Variants in NLRP2 observed in about 807,000 individuals in gnomAD.
The protein encoded by NLRP2 is NLR family pyrin domain containing 2.
In NLRP2, 107 loss-of-function variants were observed where a neutral mutation model predicts 97.2. The ratio of observed to expected loss-of-function variants is 1.10; its 90% CI spans 0.94 to 1.29. The LOEUF (loss-of-function observed/expected upper bound fraction) is 1.29, where lower values mean the gene tolerates loss of function less well. Among genes scored for constraint, NLRP2 ranks in the 50% most tolerant of loss-of-function variants. The pLI is 0.00. For synonymous variants in NLRP2, 663 were observed against 551.5 expected, an observed-to-expected ratio of 1.20 and a Z score of -2.83; for missense variants, 1,495 against 1,330.3, an observed-to-expected ratio of 1.12 and a Z score of -1.93.
At chr19:54,990,330 G>T (rs1181721405) in intron 9 of NLRP2, 138 bp downstream of exon 9, 1 of 1,147,380 alleles carries the variant, frequency 8.7e-7, no homozygotes, top group South Asian at 1.3e-5. Context: ...CAGGCCGATG[G>T]CCTGTGAATT....
At chr19:54,984,329 G>GTGTGGTTTTTTTTTTTTTTTTTT in intron 6 of NLRP2, among the ~76,000 whole-genome samples, 1 of 79,670 alleles carries the variant, frequency 1.3e-5, no homozygotes, top group Non-Finnish European at 2.5e-5. Context: ...TTTTTTTTGT[G>GTGTGGTTTTTTTTTTTTTTTTTT]TTTTTTTTTT....
At position 54,983,334 on chromosome 19, in the gene NLRP2, A is replaced by C. The variant is rs1306324883; in HGVS notation, c.1636A>C (p.Arg546=). Residue 546 remains arginine (R), a synonymous_variant, in exon 6 of 13, where the codon AGG becomes CGG. Coordinates refer to ENST00000448584, the MANE Select transcript of NLRP2 (RefSeq NM_017852.5). ...GCTGCTTTCCGGAGTAGAAAGACTC[A>C]GGAACCCCGACCTGATCCAAGCAGG... The part of the protein sequence containing the change: ...QKLLSGVERL[R]NPDLIQAGYY... 1.2e-6 allele frequency: 2 copies of C among 1,614,224 alleles called. No homozygotes were observed. Among genetic ancestry groups the C allele is most frequent in the Non-Finnish European group, 1.7e-6 (2 of 1,180,040 alleles).
intron 8 of NLRP2, among the ~76,000 whole-genome samples, chr19:54,987,528 G>T (rs1208671904): frequency 1.3e-5 from 2 of 152,178 alleles, no homozygotes; most frequent in African/African-American, 4.8e-5. Context: ...GATCACTTGA[G>T]GTCAGGAGTT....
In NLRP2 at chr19:54,994,414, C is replaced by G; in HGVS notation, c.2854C>G (p.Pro952Ala). 6.2e-7 allele frequency: 1 copy of G among 1,613,122 alleles called. No homozygotes were observed. Among genetic ancestry groups the G allele is most frequent in the Non-Finnish European group, 8.5e-7 (1 of 1,180,016 alleles). ...GTTCCTGTGTGAGGCTTTGAGGAAA[C>G]CACTGTGCAACTTGAGATGTCTGTG... ...MKFLCEALRK[P>A]LCNLRCLWLW... Residue 952 changes from proline (P) to alanine (A), a missense_variant, in exon 11 of 13, where the codon CCA (proline) becomes GCA (alanine). Pro to Ala is a conservative substitution (Grantham distance 27). Transcript: ENST00000448584.
intron 12 of NLRP2, among the ~76,000 whole-genome samples, chr19:54,998,958 C>T (rs12982755): frequency 0.29 from 44,131 of 149,732 alleles, 6,878 homozygotes; most frequent in Middle Eastern, 0.43. Context: ...GGTAAGGTCA[C>T]AGATCAACAG....
At chr19:54,969,491 A>G (rs968335222) in intron 1 of NLRP2, among the ~76,000 whole-genome samples, 2 of 151,816 alleles carry the variant, frequency 1.3e-5, no homozygotes, top group South Asian at 4.2e-4. Context: ...AAAAAAAAAA[A>G]AAAAAATACA....
Position 54,973,892 on chromosome 19 carries a change from G to C in NLRP2, c.281-608G>C, listed in dbSNP as rs188360184. The C allele has an allele frequency of 6.8e-5, 46 of 679,722 alleles. No homozygotes were observed. The Middle Eastern group carries it at 1.3e-3, about 20-fold the overall frequency. 42.1% of individuals were successfully genotyped at this position (679,722 alleles called of 1,614,324 possible). A position where few individuals can be genotyped will look rare whatever the true frequency, so the allele number is the denominator to read the frequency against. On this transcript the variant is annotated intron_variant, in intron 2 of 12. Coordinates refer to ENST00000448584, the MANE Select transcript of NLRP2 (RefSeq NM_017852.5). ...GCACCACCCCCACAAAGTGACACAA[G>C]GCAAGGATTCTTGGTATGCCCAGGG...
rs1189013526 is a variant in NLRP2 at position 54,985,070 on chromosome 19, T to A, written c.2054T>A (p.Leu685His). Residue 685 changes from leucine (L) to histidine (H), a missense_variant, in exon 7 of 13, where the codon CTT (leucine) becomes CAT (histidine). Transcript: ENST00000448584. ...AGATCCCAGGATGATCAGCACATGCTTCCTTTCTGGACGGACCTTTGTTCC... is the reference window on the plus strand; with the variant it reads ...AGATCCCAGGATGATCAGCACATGCATCCTTTCTGGACGGACCTTTGTTCC... ...VERSQDDQHM[L>H]PFWTDLCSIF... The A allele has an allele frequency of 6.2e-7, 1 of 1,614,166 alleles. No individual in the cohort carries two copies. Among genetic ancestry groups the A allele is most frequent in the East Asian group, 2.2e-5 (1 of 44,884 alleles).
intron 9 of NLRP2, 109 bp from the exon 10 acceptor site, chr19:54,990,393 G>T: frequency 8.3e-7 from 1 of 1,201,162 alleles, no homozygotes; most frequent in Non-Finnish European, 1.2e-6. Flanking sequence ...CATGATAGAA[G>T]GTGGGGAGTT....
chr19:54,990,827 G>A lies in NLRP2; in HGVS notation c.2708+155G>A, dbSNP rs116351882. The A allele has an allele frequency of 4.2e-4, 317 of 746,166 alleles. No homozygotes were observed. In the African/African-American group the frequency reaches 4.7e-3, roughly 11 times the overall value. 46.2% of individuals were successfully genotyped at this position (746,166 alleles called of 1,614,324 possible). ...GGTAAGACCTGGGTAGATGATGGTA[G>A]GAAAAAAGTATAAGTAGTAGTAGAG... On this transcript the variant is annotated intron_variant, in intron 10 of 12. Coordinates refer to ENST00000448584, the MANE Select transcript of NLRP2 (RefSeq NM_017852.5).
At chr19:54,990,290 G>C in intron 9 of NLRP2, 98 bp downstream of exon 9, 1 of 1,293,170 alleles carries the variant, frequency 7.7e-7, no homozygotes, top group Non-Finnish European at 1.1e-6. Context: ...ACCTCTCGCT[G>C]ATGTGAACAC....
At chr19:54,981,511 C>CCCCT in intron 4 of NLRP2, 106 bp from the exon 5 acceptor site, 1 of 265,228 alleles carries the variant, frequency 3.8e-6, no homozygotes, top group Non-Finnish European at 8.3e-6. Context: ...GATCCCGTGC[C>CCCCT]CCCCCTCCCC....
At chr19:54,978,605 C>T (rs1467350595) in intron 4 of NLRP2, among the ~76,000 whole-genome samples, 1 of 151,990 alleles carries the variant, frequency 6.6e-6, no homozygotes, top group Non-Finnish European at 1.5e-5. Context: ...CCTATAATCT[C>T]CCAGCACTTT....
chr19:54,974,640 A>G, intron 3 of NLRP2, 96 bp downstream of exon 3: 3 of 927,214 alleles, frequency 3.2e-6, no homozygotes, highest in Non-Finnish European at 5.3e-6. Flanking sequence ...AAGAATGCAA[A>G]GAAATGCCGG....
At chr19:54,967,917 A>AT (rs55659818) in intron 1 of NLRP2, among the ~76,000 whole-genome samples, 7,794 of 126,252 alleles carry the variant, frequency 0.062, 398 homozygotes, top group African/African-American at 0.13. Context: ...TGCTACTGCT[A>AT]TTTTTTTTTT....
At chr19:54,994,501 AAAAT>A in intron 11 of NLRP2, 62 bp downstream of exon 11, 2 of 1,573,724 alleles carry the variant, frequency 1.3e-6, no homozygotes, top group Admixed American at 3.3e-5. Context: ...TGGCTAGTGT[AAAAT>A]AATCAGTGAA....
chr19:54,981,523 C>G lies in NLRP2; in HGVS notation c.398-94C>G. On this transcript the variant is annotated intron_variant, in intron 4 of 12. Transcript: ENST00000448584. ...TCTGATCCCGTGCCCCCCCTCCCCC[C>G]CGCCCCATCAGCCTGCCTCCTTTTC... The G allele has an allele frequency of 6.5e-6, 3 of 460,064 alleles. No homozygotes were observed. In the Admixed American group the frequency reaches 6.7e-5, roughly 10 times the overall value. The allele number at this position is 460,064 out of a possible 1,614,324, so 28.5% of individuals were successfully genotyped here.
In NLRP2 at chr19:54,982,175, G is replaced by A; in HGVS notation, c.477G>A (p.Arg159=). The change falls in exon 6 of 13, where the codon AGG becomes AGA. Residue 159 remains arginine (R), a synonymous_variant. Transcript: ENST00000448584. ...CCAATGATAAAGACAAAGACAATAG[G>A]TGCAGGTATATATTGAAGACGAAGT... ...FKGKKPDKDN[R]CRYILKTKFR... is the part of the protein sequence containing the mutation. 2.5e-6 allele frequency: 4 copies of A among 1,614,068 alleles called. No homozygotes were observed. The highest frequency in any genetic ancestry group is 3.4e-6 in the Non-Finnish European group (4 of 1,180,030).
intron 1 of NLRP2, among the ~76,000 whole-genome samples, chr19:54,968,313 G>A (rs1489373434): frequency 6.6e-6 from 1 of 151,358 alleles, no homozygotes. Context: ...CCCAAAGTGC[G>A]GGGATTGCAA....
Sources: gnomAD v4.1 joint callset for allele counts (sites outside exome capture counted in the v4.1 genomes callset) on GRCh38, gnomAD v4.1.1 for gene constraint, MANE v1.5 for transcripts, NCBI Gene and HGNC (gene_info 2026-07-23, HGNC 2026-07-21) for gene names.